ERG: variants seen among roughly 807,000 people sequenced by gnomAD.
ERG encodes transcriptional regulator ERG.
ERG carries 9 observed loss-of-function variants against 55.3 expected under a neutral mutation model. The observed-to-expected ratio is 0.16, with a 90% CI of 0.10 to 0.28. The LOEUF is 0.28. ERG is among the 10% of genes least tolerant of loss of function. ERG has a pLI of 1.00. For synonymous variants in ERG, 223 were observed against 237.3 expected (o/e 0.94, Z 0.55); for missense variants, 434 against 631.6 (o/e 0.69, Z 3.35).
At chr21:38,549,021 G>A (rs2059806748) in intron 2 of ERG, among the ~76,000 whole-genome samples, 2 of 151,966 alleles carry the variant, frequency 1.3e-5, no homozygotes, top group East Asian at 4.0e-4. Flanking sequence ...GCTGAGGCAG[G>A]AGAATGGCGT....
chr21:38,564,741 C>G (rs184398900), intron 2 of ERG, among the ~76,000 whole-genome samples: 10 of 152,134 alleles, frequency 6.6e-5, no homozygotes, highest in Admixed American at 5.9e-4. Flanking sequence ...CTTCTCCTAC[C>G]TCCACTGGCT....
In ERG at chr21:38,406,154, C is replaced by CA. The variant is rs56711562; in HGVS notation, c.389-2446dup. 8.0e-3 allele frequency among the ~76,000 whole-genome samples: 762 copies of CA among 95,002 alleles called. 24 individuals carry two copies. Among genetic ancestry groups the CA allele is most frequent in the African/African-American group, 0.024 (584 of 24,272 alleles). The allele number at this position is 95,002 out of a possible 152,430, so 62.3% of individuals were successfully genotyped here. Reference sequence around the variant, plus strand: ...TGAGCGACAGAGCGAGACTCCATCTCAAAAAAAAAAAAAAAAAAAAATCAT... The same window carrying CA: ...TGAGCGACAGAGCGAGACTCCATCTCAAAAAAAAAAAAAAAAAAAAAATCAT... On this transcript the variant is annotated intron_variant, in intron 3 of 9. Transcript: ENST00000288319.
At chr21:38,401,894 CAAAAT>C (rs905984206) in intron 5 of ERG, among the ~76,000 whole-genome samples, 1 of 152,084 alleles carries the variant, frequency 6.6e-6, no homozygotes, top group African/African-American at 2.4e-5. Flanking sequence ...TAGGCTCAGG[CAAAAT>C]AAATACATAA....
the ERG span, among the ~76,000 whole-genome samples, chr21:38,369,327 T>C: frequency 6.6e-6 from 1 of 152,206 alleles, no homozygotes; most frequent in South Asian, 2.1e-4. Context: ...TGTTAGATGG[T>C]ATCTTATTGT....
chr21:38,428,461 T>C (rs547022619), intron 2 of ERG, among the ~76,000 whole-genome samples: 32 of 152,314 alleles, frequency 2.1e-4, no homozygotes, highest in African/African-American at 7.5e-4. Flanking sequence ...TGTTCTCCAT[T>C]CTCACATGAT....
intron 3 of ERG, among the ~76,000 whole-genome samples, chr21:38,410,333 T>G (rs1988986117): frequency 6.6e-6 from 1 of 152,216 alleles, no homozygotes. Flanking sequence ...TCCAATTGTT[T>G]TGAAAACATC....
Position 38,460,768 on chromosome 21 carries a change from C to T in ERG, c.19-15147G>A, listed in dbSNP as rs1307004154. Among the ~76,000 whole-genome samples, 1 of 152,300 alleles carries T rather than the reference C, an allele frequency of 6.6e-6. No individual in the cohort carries two copies. The highest frequency in any genetic ancestry group is 6.5e-5 in the Admixed American group (1 of 15,286). ...TAACGGCACCAAAGTATTCCCCTGC[C>T]CTGAAATCTCTGTTTACCTGTGGAC... On this transcript the variant is annotated intron_variant, in intron 1 of 9. Coordinates refer to ENST00000288319, the MANE Select transcript of ERG (RefSeq NM_182918.4). The surrounding 1 kb of genome is among the most constrained non-coding windows in gnomAD (Gnocchi z 5.0).
intron 3 of ERG, among the ~76,000 whole-genome samples, chr21:38,409,473 C>T (rs1029758618): frequency 7.2e-5 from 9 of 125,366 alleles, no homozygotes; most frequent in African/African-American, 1.9e-4. Context: ...GCAACAAGAG[C>T]GAAACTCCGT....
chr21:38,394,032 T>A (rs1271919000), intron 6 of ERG, among the ~76,000 whole-genome samples: 1 of 152,194 alleles, frequency 6.6e-6, no homozygotes, highest in Non-Finnish European at 1.5e-5. Context: ...GCACATGGGT[T>A]CTCAGTCAGT....
intron 1 of ERG, among the ~76,000 whole-genome samples, chr21:38,461,267 C>G (rs2059040078): frequency 6.6e-6 from 1 of 152,182 alleles, no homozygotes; most frequent in Non-Finnish European, 1.5e-5. Flanking sequence ...CATCCTCCCT[C>G]TATGCATGCC....
upstream of ERG, among the ~76,000 whole-genome samples, chr21:38,501,630 C>A (rs947403847): frequency 1.3e-5 from 2 of 152,132 alleles, no homozygotes; most frequent in Non-Finnish European, 2.9e-5. Flanking sequence ...TGGCACACGG[C>A]CCCTACCTGA....
At chr21:38,645,346 G>T (rs2060449449) in intron 1 of ERG, among the ~76,000 whole-genome samples, 1 of 152,130 alleles carries the variant, frequency 6.6e-6, no homozygotes, top group African/African-American at 2.4e-5. Context: ...ATATAAATAG[G>T]TTTCATATAC....
chr21:38,528,107 A>G (rs1010053765), intron 2 of ERG, among the ~76,000 whole-genome samples: 4 of 151,944 alleles, frequency 2.6e-5, no homozygotes, highest in African/African-American at 7.2e-5. Flanking sequence ...CTTGGCTTAT[A>G]GAAGCATCAT....
At chr21:38,368,838 G>C in the ERG span, among the ~76,000 whole-genome samples, 1 of 151,960 alleles carries the variant, frequency 6.6e-6, no homozygotes, top group Non-Finnish European at 1.5e-5. Flanking sequence ...TCATCATTTA[G>C]CTCCCACTTA....
chr21:38,648,044 A>G (rs1217448471), intron 1 of ERG, among the ~76,000 whole-genome samples: 2 of 152,232 alleles, frequency 1.3e-5, no homozygotes, highest in Non-Finnish European at 2.9e-5. Context: ...TTTGCCTTGC[A>G]AAGCCCATTA....
At chr21:38,588,317 C>CT (rs1194419719), upstream of ERG, among the ~76,000 whole-genome samples, 1 of 142,140 alleles carries the variant, frequency 7.0e-6, no homozygotes, top group Non-Finnish European at 1.6e-5. Context: ...GAGACACCCC[C>CT]CACCACCACC....
intron 4 of ERG, 84 bp downstream of exon 4, chr21:38,403,422 G>A (rs932900582): frequency 6.2e-5 from 84 of 1,357,704 alleles, no homozygotes; most frequent in Non-Finnish European, 8.5e-5. Context: ...GGATGCTGTC[G>A]ACACACCTGG....
At chr21:38,581,782 G>A (rs557574689) in intron 1 of ERG, among the ~76,000 whole-genome samples, 8 of 152,262 alleles carry the variant, frequency 5.3e-5, no homozygotes, top group African/African-American at 1.9e-4. Flanking sequence ...GGTGGCTCAC[G>A]CCTGTAATCC....
chr21:38,632,812 C>T (rs1354247181), intron 1 of ERG, among the ~76,000 whole-genome samples: 13 of 152,154 alleles, frequency 8.5e-5, no homozygotes, highest in Admixed American at 6.5e-4. Flanking sequence ...AATGGTGTAG[C>T]CCCTCTGGAA....
Sources: allele counts gnomAD v4.1 joint callset (sites outside exome capture counted in the v4.1 genomes callset), GRCh38; gene constraint gnomAD v4.1.1; non-coding constraint Gnocchi (gnomAD v3.1); transcripts MANE v1.5; gene names NCBI Gene and HGNC (gene_info 2026-07-23, HGNC 2026-07-21).